The following COMMD1 variants were observed in gnomAD, a reference collection of about 807,000 sequenced individuals.
COMMD1 encodes copper metabolism domain containing 1.
A neutral mutation model predicts 17.2 loss-of-function variants in COMMD1; 10 were observed. The ratio of observed to expected loss-of-function variants is 0.58; its 90% CI spans 0.36 to 0.99. The LOEUF (loss-of-function observed/expected upper bound fraction) is 0.99, where lower values mean the gene tolerates loss of function less well. COMMD1 is among the 50% of genes least tolerant of loss of function. The pLI, the probability that COMMD1 is intolerant of heterozygous loss-of-function variation, is 0.01. For missense variants in COMMD1, 270 were observed against 231.8 expected (o/e 1.17, Z -1.07); for synonymous variants, 97 against 91.6 (o/e 1.06, Z -0.34).
intron 2 of COMMD1, among the ~76,000 whole-genome samples, chr2:62,001,257 G>T (rs1668931902): frequency 6.6e-6 from 1 of 152,132 alleles, no homozygotes; most frequent in Non-Finnish European, 1.5e-5. Context: ...CATTTGGTTA[G>T]ATCTCAAAAT....
Position 62,120,983 on chromosome 2 carries a change from A to G in COMMD1, c.463-14848A>G, listed in dbSNP as rs140433125. Among the ~76,000 whole-genome samples, 428 of 151,950 alleles carry G rather than the reference A, an allele frequency of 2.8e-3. 1 individual carries two copies. The highest frequency in any genetic ancestry group is 9.3e-3 in the African/African-American group (383 of 41,388). The stretch of plus-strand genomic sequence containing the variant: ...GGTTGTGAACTCCTGAGCTCGGGCA[A>G]TCTACACACCTTGGCCTCCCAAAGT... On this transcript the variant is annotated intron_variant, in intron 2 of 2. Coordinates refer to ENST00000311832, the MANE Select transcript of COMMD1 (RefSeq NM_152516.4).
Position 62,016,622 on chromosome 2 carries a change from A to T in COMMD1, c.462+15640A>T, listed in dbSNP as rs71422332. 9.9e-3 allele frequency among the ~76,000 whole-genome samples: 1,505 copies of T among 151,962 alleles called. 9 individuals are homozygous for T. The highest frequency in any genetic ancestry group is 0.016 in the Non-Finnish European group (1,116 of 67,994). ...TTTAAATGTATTCAGGATATCAATC[A>T]CATATTAGATATATGGATTTGCAAA... On this transcript the variant is annotated intron_variant, in intron 2 of 2. Transcript: ENST00000311832.
At position 62,023,838 on chromosome 2, in the gene COMMD1, G is replaced by A. The variant is rs1260393515; in HGVS notation, c.462+22856G>A. Among the ~76,000 whole-genome samples, 5 of 152,186 alleles carry A rather than the reference G, an allele frequency of 3.3e-5. No homozygotes were observed. In the Middle Eastern group the frequency reaches 0.01, roughly 311 times the overall value. Reference sequence around the variant, plus strand: ...AGAAACAACTGAATGTCCAATAATAGGGAATGAATGGGAGGAAAGGGAAGA... The same window carrying A: ...AGAAACAACTGAATGTCCAATAATAAGGAATGAATGGGAGGAAAGGGAAGA... On this transcript the variant is annotated intron_variant, in intron 2 of 2. Coordinates refer to ENST00000311832, the MANE Select transcript of COMMD1 (RefSeq NM_152516.4).
At chr2:61,911,994 C>T (rs764511238) in intron 1 of COMMD1, among the ~76,000 whole-genome samples, 1 of 152,148 alleles carries the variant, frequency 6.6e-6, no homozygotes, top group Non-Finnish European at 1.5e-5. Flanking sequence ...TCTACCTGAA[C>T]GTCATTTCCT....
chr2:61,949,058 A>G (rs1451482332), intron 1 of COMMD1, among the ~76,000 whole-genome samples: 2 of 152,226 alleles, frequency 1.3e-5, no homozygotes, highest in Admixed American at 6.5e-5. Context: ...ACTTGAGTCC[A>G]AACCCAGAAG....
rs556330962 is a variant in COMMD1 at position 62,011,974 on chromosome 2, G to A, written c.462+10992G>A. Among the ~76,000 whole-genome samples, 15 of 152,228 alleles carry A rather than the reference G, an allele frequency of 9.9e-5. No individual in the cohort carries two copies. The South Asian group carries it at 1.7e-3, about 17-fold the overall frequency. ...TTAATGCATAGATGTATGACTGGGC[G>A]CAGTGACTCGTGCCTGTAATCCTGG... On this transcript the variant is annotated intron_variant, in intron 2 of 2. Transcript: ENST00000311832.
chr2:61,986,426 G>T (rs1328650974), intron 1 of COMMD1, among the ~76,000 whole-genome samples: 1 of 151,784 alleles, frequency 6.6e-6, no homozygotes, highest in Non-Finnish European at 1.5e-5. Context: ...TCTTTCTCTA[G>T]GTTGGGGATG....
In COMMD1 at chr2:62,028,188, A is replaced by T. The variant is rs78037924; in HGVS notation, c.462+27206A>T. Reference sequence around the variant, plus strand: ...TTCAGTAATTGTGGCTTTTTTTAAGAATCTTTGCAGAGGACAGGTTGTCAG... The same window carrying T: ...TTCAGTAATTGTGGCTTTTTTTAAGTATCTTTGCAGAGGACAGGTTGTCAG... On this transcript the variant is annotated intron_variant, in intron 2 of 2. Transcript: ENST00000311832. Among the ~76,000 whole-genome samples the T allele has an allele frequency of 9.9e-3, 1,506 of 152,196 alleles. 11 individuals carry two copies. Among genetic ancestry groups the T allele is most frequent in the South Asian group, 0.019 (92 of 4,806 alleles).
At chr2:61,908,205 C>A (rs1669819554) in intron 1 of COMMD1, among the ~76,000 whole-genome samples, 1 of 151,098 alleles carries the variant, frequency 6.6e-6, no homozygotes, top group African/African-American at 2.4e-5. Context: ...GGATGACATT[C>A]AGTTCCAATC....
At chr2:61,946,058 C>T (rs1410370676) in intron 1 of COMMD1, among the ~76,000 whole-genome samples, 4 of 152,056 alleles carry the variant, frequency 2.6e-5, no homozygotes, top group African/African-American at 9.7e-5. Context: ...TTTAGAATGC[C>T]CTGGCCAAGG....
At chr2:61,906,880 T>C (rs566186462) in intron 1 of COMMD1, among the ~76,000 whole-genome samples, 1 of 152,352 alleles carries the variant, frequency 6.6e-6, no homozygotes, top group African/African-American at 2.4e-5. Context: ...GAATTTGCTA[T>C]TTTTTCAAAG....
chr2:62,040,772 G>A (rs1558573511), intron 2 of COMMD1, among the ~76,000 whole-genome samples: 1 of 151,850 alleles, frequency 6.6e-6, no homozygotes. Context: ...GTGCAGTGGC[G>A]CGATCTCGAC....
intron 2 of COMMD1, among the ~76,000 whole-genome samples, chr2:62,042,488 C>T (rs1424695041): frequency 6.6e-6 from 1 of 152,232 alleles, no homozygotes; most frequent in Non-Finnish European, 1.5e-5. Flanking sequence ...GGAGCTTGTG[C>T]CCCGATCAAG....
At chr2:62,071,971 A>C (rs1029720146) in intron 2 of COMMD1, among the ~76,000 whole-genome samples, 3 of 151,920 alleles carry the variant, frequency 2.0e-5, no homozygotes, top group Non-Finnish European at 4.4e-5. Context: ...CACACCCTCA[A>C]ACTGTAAAAA....
chr2:62,042,146 C>G (rs1466857316), intron 2 of COMMD1, among the ~76,000 whole-genome samples: 1 of 152,188 alleles, frequency 6.6e-6, no homozygotes, highest in East Asian at 1.9e-4. Context: ...GGTGCATTTG[C>G]AAACCTTTAG....
intron 2 of COMMD1, among the ~76,000 whole-genome samples, chr2:62,038,706 G>A (rs1670106489): frequency 6.6e-6 from 1 of 151,782 alleles, no homozygotes; most frequent in African/African-American, 2.4e-5. Flanking sequence ...ACATCACCAC[G>A]CCTGGCTAAT....
chr2:62,028,502 A>T (rs1471377467), intron 2 of COMMD1, among the ~76,000 whole-genome samples: 1 of 152,190 alleles, frequency 6.6e-6, no homozygotes, highest in African/African-American at 2.4e-5. Context: ...CAAAAACTTG[A>T]GTCTGGGAGG....
intron 2 of COMMD1, among the ~76,000 whole-genome samples, chr2:62,065,877 TTTAA>T (rs1671024767): frequency 6.6e-6 from 1 of 152,220 alleles, no homozygotes; most frequent in African/African-American, 2.4e-5. Flanking sequence ...TGTTATGCAG[TTTAA>T]TTGTTAAATT....
intron 2 of COMMD1, among the ~76,000 whole-genome samples, chr2:62,115,202 T>C (rs1227398033): frequency 6.6e-6 from 1 of 152,162 alleles, no homozygotes; most frequent in Non-Finnish European, 1.5e-5. Flanking sequence ...AGCTAGAAGG[T>C]GGTGGAGTCT....
Sources: allele counts gnomAD v4.1 joint callset (sites outside exome capture counted in the v4.1 genomes callset), GRCh38; gene constraint gnomAD v4.1.1; transcripts MANE v1.5; gene names NCBI Gene and HGNC (gene_info 2026-07-23, HGNC 2026-07-21).